KLHL1: variants seen among roughly 807,000 people sequenced by gnomAD.
The protein encoded by KLHL1 is kelch like family member 1.
A neutral mutation model predicts 77.7 loss-of-function variants in KLHL1; 47 were observed. The observed-to-expected ratio is 0.60, with a 90% CI of 0.48 to 0.77. KLHL1 has a LOEUF of 0.77. Ranked by LOEUF, KLHL1 falls within the 30% of genes least tolerant of loss-of-function variation. The pLI is 0.00. For synonymous variants in KLHL1, 360 were observed against 325.2 expected (o/e 1.11, Z -1.15); for missense variants, 925 against 910.8 (o/e 1.02, Z -0.20).
chr13:70,095,344 G>C (rs2137447398), intron 1 of KLHL1, among the ~76,000 whole-genome samples: 1 of 152,194 alleles, frequency 6.6e-6, no homozygotes. Flanking sequence ...AGGACTATCA[G>C]GAATTGACTA....
At chr13:69,893,467 C>T (rs1006127435) in intron 4 of KLHL1, among the ~76,000 whole-genome samples, 1 of 152,020 alleles carries the variant, frequency 6.6e-6, no homozygotes, top group Admixed American at 6.6e-5. Context: ...ATCTCCTGAC[C>T]TCATGATCCA....
At chr13:69,738,300 A>T (rs903658853) in intron 8 of KLHL1, among the ~76,000 whole-genome samples, 2 of 152,184 alleles carry the variant, frequency 1.3e-5, no homozygotes, top group Non-Finnish European at 2.9e-5. Flanking sequence ...GAATCTACAC[A>T]CAAAAATGCT....
At chr13:70,074,731 C>G (rs1276112139) in intron 1 of KLHL1, among the ~76,000 whole-genome samples, 6 of 117,658 alleles carry the variant, frequency 5.1e-5, no homozygotes, top group Non-Finnish European at 8.9e-5. Flanking sequence ...GAAACTTTAA[C>G]CCGAGCAAGC....
At chr13:69,827,221 T>A (rs867778036) in intron 6 of KLHL1, among the ~76,000 whole-genome samples, 1 of 151,802 alleles carries the variant, frequency 6.6e-6, no homozygotes, top group African/African-American at 2.4e-5. Flanking sequence ...AATGGAAATA[T>A]AATAGAGCAT....
At chr13:69,949,201 T>A (rs1239614544) in intron 3 of KLHL1, among the ~76,000 whole-genome samples, 1 of 151,756 alleles carries the variant, frequency 6.6e-6, no homozygotes, top group Non-Finnish European at 1.5e-5. Context: ...TTCCTTAGAT[T>A]TTTTTTTCTT....
rs929897295 is a variant in KLHL1 at position 69,710,085 on chromosome 13, G to GTA, written c.2016-2291_2016-2290dup. Among the ~76,000 whole-genome samples the GTA allele has an allele frequency of 8.6e-5, 13 of 151,168 alleles. No individual in the cohort carries two copies. In the South Asian group the frequency reaches 1.0e-3, roughly 12 times the overall value. ...TTTTTATATCATGTTGCAAATATAAGTATATATATATACTTAATAGGTCAT... is the reference window on the plus strand; with the variant it reads ...TTTTTATATCATGTTGCAAATATAAGTATATATATATATACTTAATAGGTCAT... On this transcript the variant is annotated intron_variant, in intron 9 of 10. Coordinates refer to ENST00000377844, the MANE Select transcript of KLHL1 (RefSeq NM_020866.3).
intron 6 of KLHL1, among the ~76,000 whole-genome samples, chr13:69,819,665 C>A (rs1369801361): frequency 6.6e-6 from 1 of 152,026 alleles, no homozygotes; most frequent in East Asian, 1.9e-4. Context: ...TTCTCCTTCA[C>A]TTGTCCACTC....
chr13:69,861,965 CAAAAT>C (rs58892254), intron 5 of KLHL1, among the ~76,000 whole-genome samples: 21,772 of 122,868 alleles, frequency 0.18, 1,987 homozygotes, highest in Non-Finnish European at 0.2. Flanking sequence ...AACTCCGTCT[CAAAAT>C]AAAATAAAAT....
At chr13:69,957,697 C>T (rs17085798) in intron 3 of KLHL1, among the ~76,000 whole-genome samples, 1 of 151,528 alleles carries the variant, frequency 6.6e-6, no homozygotes, top group Non-Finnish European at 1.5e-5. Flanking sequence ...TAAGTATTTT[C>T]TTTACAACTT....
rs114979784 is a variant in KLHL1 at position 69,828,467 on chromosome 13, C to A, written c.1414+10509G>T. Among the ~76,000 whole-genome samples, 847 of 150,110 alleles carry A rather than the reference C, an allele frequency of 5.6e-3. 76 individuals are homozygous for A. Among genetic ancestry groups the A allele is most frequent in the African/African-American group, 0.02 (786 of 40,078 alleles). On this transcript the variant is annotated intron_variant, in intron 6 of 10. Coordinates refer to ENST00000377844, the MANE Select transcript of KLHL1 (RefSeq NM_020866.3). ...GGAAGCCAGTGGAATTGGGAAAGGA[C>A]CACAGGGAGAAGGAAACCTCCAGTT...
chr13:69,975,515 G>T, intron 2 of KLHL1, 105 bp downstream of exon 2: 1 of 798,180 alleles, frequency 1.3e-6, no homozygotes, highest in Non-Finnish European at 1.8e-6. Flanking sequence ...TTAAAAAAAT[G>T]TGAATCCTTA....
chr13:69,792,778 C>A (rs66489709), intron 7 of KLHL1, among the ~76,000 whole-genome samples: 36,486 of 151,950 alleles, frequency 0.24, 4,477 homozygotes, highest in South Asian at 0.32. Flanking sequence ...AGAAGCCATA[C>A]ACAAAAGGCC....
At chr13:70,030,482 C>T (rs539359658) in intron 1 of KLHL1, among the ~76,000 whole-genome samples, 1 of 152,292 alleles carries the variant, frequency 6.6e-6, no homozygotes, top group Admixed American at 6.5e-5. Flanking sequence ...AAAACCTGCT[C>T]CTGAATGACT....
At chr13:69,910,352 G>C (rs1882195685) in intron 4 of KLHL1, among the ~76,000 whole-genome samples, 1 of 152,010 alleles carries the variant, frequency 6.6e-6, no homozygotes, top group South Asian at 2.1e-4. Flanking sequence ...TCTAGGTTAA[G>C]GCCCATGTCA....
intron 4 of KLHL1, among the ~76,000 whole-genome samples, chr13:69,930,642 TG>T (rs1882970616): frequency 2.0e-5 from 3 of 151,856 alleles, no homozygotes; most frequent in Admixed American, 2.0e-4. Flanking sequence ...ATGCCATTGT[TG>T]TTTATATATT....
At chr13:69,816,349 C>T (rs1294671562) in intron 6 of KLHL1, among the ~76,000 whole-genome samples, 1 of 151,600 alleles carries the variant, frequency 6.6e-6, no homozygotes, top group Non-Finnish European at 1.5e-5. Context: ...AAACCTCTGC[C>T]TCCCAGGCTC....
chr13:70,054,674 G>A (rs566603830), intron 1 of KLHL1, among the ~76,000 whole-genome samples: 1 of 150,998 alleles, frequency 6.6e-6, no homozygotes, highest in Middle Eastern at 3.4e-3. Flanking sequence ...AGATAACCCA[G>A]AGAAGGAATT....
intron 4 of KLHL1, among the ~76,000 whole-genome samples, chr13:69,916,631 C>A (rs773730262): frequency 1.4e-4 from 22 of 151,728 alleles, no homozygotes; most frequent in Non-Finnish European, 2.6e-4. Flanking sequence ...AGGAGATATA[C>A]GTAATGTTAA....
intron 5 of KLHL1, among the ~76,000 whole-genome samples, chr13:69,872,315 C>T (rs558390356): frequency 1.2e-4 from 18 of 150,630 alleles, no homozygotes; most frequent in African/African-American, 3.7e-4. Context: ...GCCTGTTTTA[C>T]AGCCTCCTGC....
Sources: gnomAD v4.1 joint callset for allele counts (sites outside exome capture counted in the v4.1 genomes callset) on GRCh38, gnomAD v4.1.1 for gene constraint, MANE v1.5 for transcripts, NCBI Gene and HGNC (gene_info 2026-07-23, HGNC 2026-07-21) for gene names.